The following SREBF1 variants were observed in gnomAD, a reference collection of about 807,000 sequenced individuals.
The protein encoded by SREBF1 is sterol regulatory element binding transcription factor 1.
In SREBF1, 45 loss-of-function variants were observed where a neutral mutation model predicts 100.1. That is an observed-to-expected ratio of 0.45 (90% CI 0.35 to 0.58). The LOEUF is 0.58. Among genes scored for constraint, SREBF1 ranks in the 20% least tolerant of loss-of-function variants. SREBF1 has a pLI of 0.00. For synonymous variants in SREBF1, 657 were observed against 681.8 expected, an observed-to-expected ratio of 0.96 and a Z score of 0.57; for missense variants, 1,324 against 1,539.4, an observed-to-expected ratio of 0.86 and a Z score of 2.34.
At chr17:17,836,650 A>C in intron 1 of SREBF1, 77 bp downstream of exon 1, 1 of 1,433,984 alleles carries the variant, frequency 7.0e-7, no homozygotes. Context: ...TGGGGGAGAC[A>C]AAGGCCAGGG....
chr17:17,836,829 C>T lies in SREBF1; in HGVS notation c.-12G>A. 6.6e-7 allele frequency: 1 copy of T among 1,511,502 alleles called. No individual in the cohort carries two copies. Among genetic ancestry groups the T allele is most frequent in the Non-Finnish European group, 8.8e-7 (1 of 1,134,268 alleles). 93.6% of individuals were successfully genotyped at this position (1,511,502 alleles called of 1,614,324 possible). The stretch of plus-strand genomic sequence containing the variant: ...GGTGGCTCGTCCATGGCGCAGCCGC[C>T]TCCTCCGGGAGGCCCGCCGGGCCCG... On this transcript the variant is annotated 5_prime_UTR_variant, in exon 1 of 19. Coordinates refer to ENST00000261646, the MANE Select transcript of SREBF1 (RefSeq NM_004176.5).
intron 1 of SREBF1, 59 bp from the exon 2 acceptor site, chr17:17,820,580 TCA>T: frequency 6.4e-7 from 1 of 1,551,852 alleles, no homozygotes; most frequent in Admixed American, 1.7e-5. Flanking sequence ...AAACAGGGCA[TCA>T]CACACATCCA....
chr17:17,836,326 T>C (rs2035232191), intron 1 of SREBF1, among the ~76,000 whole-genome samples: 1 of 152,254 alleles, frequency 6.6e-6, no homozygotes, highest in Non-Finnish European at 1.5e-5. Context: ...GGAATGACCG[T>C]GAGTAACCTC....
Position 17,812,716 on chromosome 17 carries a change from C to G in SREBF1, c.3350G>C (p.Arg1117Pro), listed in dbSNP as rs745830874. The G allele has an allele frequency of 6.3e-7, 1 of 1,592,142 alleles. No homozygotes were observed. The highest frequency in any genetic ancestry group is 1.3e-5 in the African/African-American group (1 of 74,456). Residue 1117 changes from arginine (R) to proline (P), a missense_variant, in exon 19 of 19, where the codon CGC becomes CCC. By Grantham distance (103) the Arg-to-Pro change is moderately radical. Coordinates refer to ENST00000261646, the MANE Select transcript of SREBF1 (RefSeq NM_004176.5). ...QRVGMLAEAA[R>P]TLEKLGDRRL... is the part of the protein sequence containing the mutation. ...GCGATCGCCAAGCTTCTCGAGTGTG[C>G]GCGCCGCCTCAGCCAGCATGCCCAC...
At chr17:17,813,525 C>T (rs774351428) in intron 17 of SREBF1, 44 bp downstream of exon 17, 4 of 1,589,960 alleles carry the variant, frequency 2.5e-6, no homozygotes, top group East Asian at 2.3e-5. Flanking sequence ...ATCTCCACCA[C>T]TGCCTGACTC....
chr17:17,829,361 G>A (rs935664764), intron 1 of SREBF1, among the ~76,000 whole-genome samples: 7 of 151,008 alleles, frequency 4.6e-5, no homozygotes, highest in African/African-American at 1.2e-4. Flanking sequence ...AGATGTTTTC[G>A]AGCTGCCAGG....
At chr17:17,818,520 C>G in intron 5 of SREBF1, 146 bp from the exon 6 acceptor site, 1 of 675,260 alleles carries the variant, frequency 1.5e-6, no homozygotes, top group Non-Finnish European at 2.7e-6. Flanking sequence ...CTACCTGAAC[C>G]GTTCCTCGCC....
In SREBF1 at chr17:17,814,363, G is replaced by A. The variant is rs2033304196; in HGVS notation, c.2783C>T (p.Ala928Val). The A allele has an allele frequency of 4.5e-6, 7 of 1,569,544 alleles. No homozygotes were observed. Among genetic ancestry groups the A allele is most frequent in the Non-Finnish European group, 6.0e-6 (7 of 1,157,106 alleles). ...CTCTGCCTTGGCACAGCCCAGCAGG[G>A]CCCGGGCAGCCTTGAAGGAGTGCAG... The part of the protein sequence containing the change: ...AALHSFKAAR[A>V]LLGCAKAESG... The change falls in exon 16 of 19, where the codon GCC becomes GTC. Residue 928 changes from alanine (A) to valine (V), a missense_variant. Coordinates refer to ENST00000261646, the MANE Select transcript of SREBF1 (RefSeq NM_004176.5).
At position 17,824,497 on chromosome 17, in the gene SREBF1, C is replaced by T. The variant is rs2034357963; in HGVS notation, c.92-3976G>A. 1.3e-5 allele frequency among the ~76,000 whole-genome samples: 2 copies of T among 152,170 alleles called. No homozygotes were observed. Among genetic ancestry groups the T allele is most frequent in the Admixed American group, 6.5e-5 (1 of 15,280 alleles). ...CCAGGAAGGGCTGCAGTCCCTAGGA[C>T]AGAAGATGGGTAAGGAAGGGGTGAC... On this transcript the variant is annotated intron_variant, in intron 1 of 18. Transcript: ENST00000261646. The surrounding 1 kb of genome is among the most constrained non-coding windows in gnomAD (Gnocchi z 4.2).
At position 17,815,243 on chromosome 17, in the gene SREBF1, G is replaced by A. The variant is rs2033429393; in HGVS notation, c.2470C>T (p.Pro824Ser). Residue 824 changes from proline (P) to serine (S), a missense_variant, in exon 13 of 19, where the codon CCT becomes TCT. Coordinates refer to ENST00000261646, the MANE Select transcript of SREBF1 (RefSeq NM_004176.5). Reference protein sequence around the residue: ...LNCVTQPNPSPGSADGDKEFS... With the variant: ...LNCVTQPNPSSGSADGDKEFS... ...TACTTGTCCCCATCAGCTGACCCAG[G>A]GCTGGGGTTGGGCTGGGTCACACAG... 6.2e-7 allele frequency: 1 copy of A among 1,613,628 alleles called. No individual in the cohort carries two copies. Among genetic ancestry groups the A allele is most frequent in the African/African-American group, 1.3e-5 (1 of 75,064 alleles).
At chr17:17,826,201 G>C (rs1248437393) in intron 1 of SREBF1, among the ~76,000 whole-genome samples, 1 of 151,930 alleles carries the variant, frequency 6.6e-6, no homozygotes, top group Admixed American at 6.6e-5. Flanking sequence ...AATTAGAATG[G>C]TTTAGAACTG....
Position 17,814,854 on chromosome 17 carries a change from G to A in SREBF1, c.2583C>T (p.Ser861=), listed in dbSNP as rs1294639956. 5 of 1,593,564 alleles carry A rather than the reference G, an allele frequency of 3.1e-6. No individual in the cohort carries two copies. In the African/African-American group the frequency reaches 4.0e-5, roughly 13 times the overall value. ...GAPAYSFSIS[S]SMATTTGVDP... is the part of the protein sequence containing the mutation. ...ACTCACCGGTGGTGGTGGCCATGCTGGAACTGATGGAGAAGCTGTAGGCAG... is the reference window on the plus strand; with the variant it reads ...ACTCACCGGTGGTGGTGGCCATGCTAGAACTGATGGAGAAGCTGTAGGCAG... The change falls in exon 14 of 19, where the codon TCC becomes TCT. Residue 861 remains serine (S), a synonymous_variant. Transcript: ENST00000261646.
chr17:17,833,440 AAAAAAAAAAAATATAT>A (rs2035010393), intron 1 of SREBF1, among the ~76,000 whole-genome samples: 1 of 126,486 alleles, frequency 7.9e-6, no homozygotes, highest in African/African-American at 3.4e-5. Flanking sequence ...AAAAAAAAAA[AAAAAAAAAAAATATAT>A]ATATATATAT....
intron 1 of SREBF1, among the ~76,000 whole-genome samples, chr17:17,823,987 G>C (rs12945414): frequency 6.6e-6 from 1 of 152,184 alleles, no homozygotes. Context: ...TCAAAGCAGA[G>C]AAGTCCTGGC....
rs2033523270 is a variant in SREBF1 at position 17,815,999 on chromosome 17, G to A, written c.2244C>T (p.Ala748=). 3 of 1,612,576 alleles carry A rather than the reference G, an allele frequency of 1.9e-6. No homozygotes were observed. The highest frequency in any genetic ancestry group is 2.7e-5 in the African/African-American group (2 of 74,892). The change falls in exon 12 of 19, where the codon GCC becomes GCT. Residue 748 remains alanine (A), a synonymous_variant. Coordinates refer to ENST00000261646, the MANE Select transcript of SREBF1 (RefSeq NM_004176.5). ...TRFFLSSARQ[A]CLAQSGSVPP... Reference sequence around the variant, plus strand: ...GCACTGAGCCACTCTGTGCCAGGCAGGCCTGGCGGGCACTGCTCAGGAAGA... The same window carrying A: ...GCACTGAGCCACTCTGTGCCAGGCAAGCCTGGCGGGCACTGCTCAGGAAGA...
chr17:17,816,486 T>C lies in SREBF1; in HGVS notation c.2018A>G (p.Tyr673Cys). 1 of 1,605,858 alleles carries C rather than the reference T, an allele frequency of 6.2e-7. No homozygotes were observed. The highest frequency in any genetic ancestry group is 8.5e-7 in the Non-Finnish European group (1 of 1,177,038). The change falls in exon 10 of 19, where the codon TAC becomes TGC. Residue 673 changes from tyrosine to cysteine, a missense_variant. Coordinates refer to ENST00000261646, the MANE Select transcript of SREBF1 (RefSeq NM_004176.5). The part of the protein sequence containing the change: ...SASARDAALV[Y>C]HKLHQLHTMG... ...GGTGTGCAGCTGGTGCAGCTTATGG[T>C]AGACCAGGGCTGCGTCTCGGGCGCT...
chr17:17,819,869 T>G, intron 2 of SREBF1, 144 bp from the exon 3 acceptor site: 1 of 1,272,990 alleles, frequency 7.9e-7, no homozygotes, highest in South Asian at 1.5e-5. Flanking sequence ...TGGGCTCTGA[T>G]GCAAATGCAC....
rs1445340194 is a variant in SREBF1, at chr17:17,823,952, A to C, written c.92-3431T>G. Among the ~76,000 whole-genome samples, 7 of 151,988 alleles carry C rather than the reference A, an allele frequency of 4.6e-5. No individual in the cohort carries two copies. The South Asian group carries it at 1.5e-3, about 32-fold the overall frequency. ...GGGTTACTGGCGGTCACTGGCCCTC[A>C]GCTCCCGCCCCCTTCGTTAAAGGGT... On this transcript the variant is annotated intron_variant, in intron 1 of 18. Transcript: ENST00000261646.
Position 17,812,832 on chromosome 17 carries a change from C to T in SREBF1, c.3234G>A (p.Glu1078=). ...GGKGGAVAEL[E]PRPTRREHAE... is the part of the protein sequence containing the mutation. The stretch of plus-strand genomic sequence containing the variant: ...CGTGCTCCCGCCGCGTGGGCCGCGG[C>T]TCCAGCTCCGCCACCGCGCCTGCGC... Residue 1078 remains glutamate, a synonymous_variant, in exon 19 of 19, where the codon GAG becomes GAA. Coordinates refer to ENST00000261646, the MANE Select transcript of SREBF1 (RefSeq NM_004176.5). The T allele has an allele frequency of 1.4e-6, 2 of 1,474,090 alleles. No homozygotes were observed. Among genetic ancestry groups the T allele is most frequent in the South Asian group, 1.3e-5 (1 of 75,298 alleles). 91.3% of individuals were successfully genotyped at this position (1,474,090 alleles called of 1,614,324 possible). A position where few individuals can be genotyped will look rare whatever the true frequency, so the allele number is the denominator to read the frequency against.
Sources: gnomAD v4.1 joint callset for allele counts (sites outside exome capture counted in the v4.1 genomes callset) on GRCh38, gnomAD v4.1.1 for gene constraint, Gnocchi (gnomAD v3.1) non-coding constraint, MANE v1.5 for transcripts, NCBI Gene and HGNC (gene_info 2026-07-23, HGNC 2026-07-21) for gene names.